RPS24: variants seen among roughly 807,000 people sequenced by gnomAD.
RPS24 encodes ribosomal protein S24, also known as small ribosomal subunit protein eS24.
For missense variants in RPS24, 100 were observed against 162.5 expected (o/e 0.62, Z 2.09); for synonymous variants, 72 against 55.6 (o/e 1.30, Z -1.31).
chr10:78,055,308 A>T, exon 5 of RPS24: 1 of 328,854 alleles, frequency 3.0e-6, no homozygotes, highest in Non-Finnish European at 5.4e-6. Context: ...AGTTGATTTT[A>T]TTATTTTCTT....
chr10:78,043,591 A>G (rs1397285758), downstream of RPS24, among the ~76,000 whole-genome samples: 1 of 139,868 alleles, frequency 7.1e-6, no homozygotes, highest in Non-Finnish European at 1.5e-5. Flanking sequence ...TTTACTGACC[A>G]CCTGCTGTGT....
intron 1 of RPS24, among the ~76,000 whole-genome samples, chr10:78,034,647 A>T (rs1049343491): frequency 5.9e-5 from 9 of 152,210 alleles, no homozygotes; most frequent in Non-Finnish European, 1.2e-4. Context: ...TAAAATTGTT[A>T]GCATAAATTG....
At chr10:78,044,638 C>T (rs979555049), downstream of RPS24, among the ~76,000 whole-genome samples, 13 of 151,632 alleles carry the variant, frequency 8.6e-5, no homozygotes, top group Admixed American at 7.2e-4. Context: ...CTTGAACTTC[C>T]CGCATGCCAG....
exon 5 of RPS24, chr10:78,056,281 G>A (rs1177114577): frequency 6.6e-6 from 1 of 152,210 alleles, no homozygotes; most frequent in Non-Finnish European, 1.5e-5. Context: ...CAGTCGGTTT[G>A]GAAGCTGAAA....
chr10:78,037,902 CTTTTTTT>C, intron 4 of RPS24: 98 of 378,570 alleles, frequency 2.6e-4, no homozygotes, highest in East Asian at 8.8e-4. Flanking sequence ...GTTCTGTGAA[CTTTTTTT>C]TTTTTTTTTT....
chr10:78,036,621 A>G (rs1847874453), intron 3 of RPS24: 1 of 155,184 alleles, frequency 6.4e-6, no homozygotes, highest in Non-Finnish European at 1.4e-5. Context: ...CACTATTTTT[A>G]ACTGACGTTC....
chr10:78,044,077 C>A (rs1394369323), downstream of RPS24, among the ~76,000 whole-genome samples: 1 of 151,834 alleles, frequency 6.6e-6, no homozygotes, highest in African/African-American at 2.4e-5. Context: ...ATCTTACTCC[C>A]TAAATTATGA....
chr10:78,054,794 C>T (rs761800402), exon 5 of RPS24: 898 of 1,551,536 alleles, frequency 5.8e-4, no homozygotes, highest in Non-Finnish European at 6.9e-4. Context: ...TGGTCAGAAA[C>T]GGAGCCTTCA....
At chr10:78,037,342 T>C (rs1847894231) in intron 4 of RPS24, 38 bp downstream of exon 4, 12 of 1,559,710 alleles carry the variant, frequency 7.7e-6, no homozygotes, top group Non-Finnish European at 1.0e-5. Context: ...ACGTCATTAA[T>C]TGTAGGTCTT....
intron 4 of RPS24, among the ~76,000 whole-genome samples, chr10:78,051,185 C>T (rs1667996805): frequency 6.6e-6 from 1 of 152,194 alleles, no homozygotes; most frequent in Admixed American, 6.5e-5. Context: ...GTGGGTGAGA[C>T]TCTGTCTCAA....
At chr10:78,034,041 G>T in intron 1 of RPS24, 137 bp downstream of exon 1, 2 of 1,124,692 alleles carry the variant, frequency 1.8e-6, no homozygotes, top group Non-Finnish European at 1.3e-6. Context: ...GATGGTTGTC[G>T]AGGGGCTCGG....
At chr10:78,055,298 AGTTGATTT>A (rs1848140017) in exon 5 of RPS24, 1 of 346,652 alleles carries the variant, frequency 2.9e-6, no homozygotes, top group Non-Finnish European at 5.1e-6. Flanking sequence ...CCTCGTCAGC[AGTTGATTT>A]TATTATTTTC....
At chr10:78,053,067 C>T (rs906258761) in intron 4 of RPS24, among the ~76,000 whole-genome samples, 27 of 151,584 alleles carry the variant, frequency 1.8e-4, no homozygotes, top group Admixed American at 1.5e-3. Context: ...GCAGGAGAAT[C>T]GCTTGAACCT....
chr10:78,051,693 G>T (rs564430834), intron 4 of RPS24, among the ~76,000 whole-genome samples: 20 of 152,290 alleles, frequency 1.3e-4, no homozygotes, highest in Admixed American at 1.2e-3. Flanking sequence ...ATGTACGAAG[G>T]TTCTAATTTC....
intron 4 of RPS24, among the ~76,000 whole-genome samples, chr10:78,053,941 A>C (rs1208091563): frequency 2.0e-5 from 3 of 152,126 alleles, no homozygotes. Flanking sequence ...TGGAGGAAGC[A>C]GTATGGCTTC....
chr10:78,052,756 T>TG (rs1481172978), intron 4 of RPS24, among the ~76,000 whole-genome samples: 1 of 152,122 alleles, frequency 6.6e-6, no homozygotes, highest in Non-Finnish European at 1.5e-5. Flanking sequence ...GACGTACCCT[T>TG]GGTCAAGGGC....
intron 3 of RPS24, chr10:78,036,022 A>G: frequency 2.5e-6 from 1 of 400,316 alleles, no homozygotes; most frequent in South Asian, 2.2e-5. Flanking sequence ...CTGGCACCAA[A>G]TTCACTTAGT....
intron 2 of RPS24, 29 bp downstream of exon 2, chr10:78,035,446 A>G (rs1847843248): frequency 6.2e-7 from 1 of 1,613,380 alleles, no homozygotes; most frequent in South Asian, 1.1e-5. Context: ...ATCTTTGCTT[A>G]ATTGTCCTTT....
Position 78,037,361 on chromosome 10 carries a change from A to G in RPS24, c.390+57A>G, listed in dbSNP as rs559452807. The G allele has an allele frequency of 3.6e-5, 55 of 1,537,028 alleles. No individual in the cohort carries two copies. In the East Asian group the frequency reaches 1.2e-3, roughly 35 times the overall value. On this transcript the variant is annotated intron_variant, in intron 4 of 5. Coordinates refer to ENST00000372360, the MANE Select transcript of RPS24 (RefSeq NM_033022.4). ...CATTAATTGTAGGTCTTTAGTTTCT[A>G]GGAAAGAAGGGATCTTATTAATTTT...
Sources: allele counts gnomAD v4.1 joint callset (sites outside exome capture counted in the v4.1 genomes callset), GRCh38; gene constraint gnomAD v4.1.1; transcripts MANE v1.5; gene names NCBI Gene and HGNC (gene_info 2026-07-23, HGNC 2026-07-21).